Variants in TRIM46 observed in about 807,000 individuals in gnomAD.
TRIM46 encodes tripartite motif-containing protein 46.
TRIM46 carries 17 observed loss-of-function variants against 69.7 expected under a neutral mutation model. That is an observed-to-expected ratio of 0.24 (90% CI 0.17 to 0.37). The LOEUF (loss-of-function observed/expected upper bound fraction) is 0.37, where lower values mean the gene tolerates loss of function less well. TRIM46 is among the 10% of genes least tolerant of loss of function. The pLI, the probability that TRIM46 is intolerant of heterozygous loss-of-function variation, is 1.00. For missense variants in TRIM46, 675 were observed against 1,025.1 expected, an observed-to-expected ratio of 0.66 and a Z score of 4.66; for synonymous variants, 391 against 429.0, an observed-to-expected ratio of 0.91 and a Z score of 1.09.
rs188300790 is a variant in TRIM46 at position 155,176,043 on chromosome 1, C to T, written c.481C>T (p.Arg161Cys). 36 of 1,614,134 alleles carry T rather than the reference C, an allele frequency of 2.2e-5. No homozygotes were observed. Among genetic ancestry groups the T allele is most frequent in the East Asian group, 1.3e-4 (6 of 44,890 alleles). ...CCTGGAGCGTGTGGTGGAGCGGTACCGCCAGAGTGTGAGTGTGGGAGGTGC... is the reference window on the plus strand; with the variant it reads ...CCTGGAGCGTGTGGTGGAGCGGTACTGCCAGAGTGTGAGTGTGGGAGGTGC... Reference protein sequence around the residue: ...LTLERVVERYRQSVSVGGAIL... With the variant: ...LTLERVVERYCQSVSVGGAIL... Residue 161 changes from arginine to cysteine, a missense_variant, in exon 3 of 10, where the codon CGC becomes TGC. Physicochemically the swap from Arg to Cys is radical, Grantham distance 180. This residue lies in a region of TRIM46 where 170 missense variants were observed against 255.6 expected (regional missense o/e 0.67). Transcript: ENST00000334634.
At chr1:155,183,524 G>A (rs1226664040) in intron 9 of TRIM46, among the ~76,000 whole-genome samples, 7 of 151,936 alleles carry the variant, frequency 4.6e-5, no homozygotes, top group Admixed American at 2.0e-4. Flanking sequence ...TTTTCTCAAT[G>A]CCTTTCCGCG....
At position 155,184,346 on chromosome 1, in the gene TRIM46, C is replaced by T; in HGVS notation, c.*156C>T. On this transcript the variant is annotated 3_prime_UTR_variant, in exon 10 of 10. Transcript: ENST00000334634. The surrounding 1 kb of genome is among the most constrained non-coding windows in gnomAD (Gnocchi z 5.6). Reference sequence around the variant, plus strand: ...CGTGTCTGTCTTCCCACAGTTTTCTCTTGACCCAGGGGCTCTCTTCTGCCC... The same window carrying T: ...CGTGTCTGTCTTCCCACAGTTTTCTTTTGACCCAGGGGCTCTCTTCTGCCC... 1.2e-6 allele frequency: 1 copy of T among 860,684 alleles called. No homozygotes were observed. 53.3% of individuals were successfully genotyped at this position (860,684 alleles called of 1,614,324 possible). A position where few individuals can be genotyped will look rare whatever the true frequency, so the allele number is the denominator to read the frequency against.
At chr1:155,174,710 C>T in intron 1 of TRIM46, 2 of 1,424,596 alleles carry the variant, frequency 1.4e-6, no homozygotes, top group South Asian at 1.4e-5. Flanking sequence ...AGGGGACTTC[C>T]GGTGGGGAGG....
rs1481526125 is a variant in TRIM46 at position 155,174,639 on chromosome 1, A to C, written c.63+610A>C. 2.6e-6 allele frequency: 4 copies of C among 1,525,976 alleles called. No homozygotes were observed. The South Asian group carries it at 3.6e-5, about 14-fold the overall frequency. 94.5% of individuals were successfully genotyped at this position (1,525,976 alleles called of 1,614,324 possible). On this transcript the variant is annotated intron_variant, in intron 1 of 9. Coordinates refer to ENST00000334634, the MANE Select transcript of TRIM46 (RefSeq NM_025058.5). ...CGGGATGGCTGCGAAGAGAGGGACC[A>C]AGGTGAGGTGTGGGGGTGGGGCATA...
rs371866969 is a variant in TRIM46 at position 155,181,872 on chromosome 1, A to G, written c.1609A>G (p.Ser537Gly). 3.3e-5 allele frequency: 53 copies of G among 1,611,426 alleles called. No individual in the cohort carries two copies. The African/African-American group carries it at 5.5e-4, about 17-fold the overall frequency. Reference sequence around the variant, plus strand: ...TCCAGTCCTGCACTTCTTCCTCGATAGCCGCTGGGGCGCAAGCCGAGAGCG... The same window carrying G: ...TCCAGTCCTGCACTTCTTCCTCGATGGCCGCTGGGGCGCAAGCCGAGAGCG... ...PAPVLHFFLD[S>G]RWGASRERLA... The change falls in exon 9 of 10, where the codon AGC (serine) becomes GGC (glycine). Residue 537 changes from serine (S) to glycine (G), a missense_variant. Coordinates refer to ENST00000334634, the MANE Select transcript of TRIM46 (RefSeq NM_025058.5). The surrounding 1 kb of genome is among the most constrained non-coding windows in gnomAD (Gnocchi z 4.3).
chr1:155,174,800 G>A, intron 1 of TRIM46: 2 of 1,456,024 alleles, frequency 1.4e-6, no homozygotes, highest in Non-Finnish European at 1.8e-6. Flanking sequence ...TGCGGGAGAG[G>A]GCGGGAGGGC....
intron 8 of TRIM46, chr1:155,180,490 G>A (rs1266335775): frequency 2.1e-5 from 9 of 419,888 alleles, no homozygotes; most frequent in South Asian, 5.5e-5. Flanking sequence ...AGCTACTCGG[G>A]AGGCTGAGGT....
chr1:155,174,309 C>T (rs1487702935), intron 1 of TRIM46, among the ~76,000 whole-genome samples: 1 of 152,026 alleles, frequency 6.6e-6, no homozygotes, highest in Non-Finnish European at 1.5e-5. Context: ...AGCAGTGCAC[C>T]GGGGCTGGGG....
chr1:155,177,304 C>G lies in TRIM46; in HGVS notation c.909+14C>G. The G allele has an allele frequency of 6.2e-7, 1 of 1,610,610 alleles. No homozygotes were observed. Among genetic ancestry groups the G allele is most frequent in the Non-Finnish European group, 8.5e-7 (1 of 1,176,910 alleles). ...AGGCACACCGAGGTGAGGGAGGGCA[C>G]AGAGGTAGGCCCTGGGCCCTGCCTG... is the stretch of plus-strand genomic sequence containing the variant. On this transcript the variant is annotated intron_variant, in intron 5 of 9. Transcript: ENST00000334634.
chr1:155,182,767 C>A lies in TRIM46; in HGVS notation c.1886+618C>A, dbSNP rs146453830. ...CTGAGGCAGGAGAATCACTTGAACC[C>A]GGGAGGTGGAGGTTGCGGTGAGCCA... On this transcript the variant is annotated intron_variant, in intron 9 of 9. Coordinates refer to ENST00000334634, the MANE Select transcript of TRIM46 (RefSeq NM_025058.5). 2.0e-3 allele frequency: 304 copies of A among 149,996 alleles called. 7 individuals carry two copies. In the East Asian group the frequency reaches 0.056, roughly 28 times the overall value. The allele number at this position is 149,996 out of a possible 1,614,324, so 9.3% of individuals were successfully genotyped here.
chr1:155,183,051 C>T (rs1666292480), intron 9 of TRIM46, among the ~76,000 whole-genome samples: 1 of 151,616 alleles, frequency 6.6e-6, no homozygotes, highest in Non-Finnish European at 1.5e-5. Context: ...GCTGGGACTA[C>T]AGGCACCCGC....
At chr1:155,178,739 T>TGGGGGCCCCCCCCCCCCC in intron 7 of TRIM46, 126 bp downstream of exon 7, 2 of 1,348,472 alleles carry the variant, frequency 1.5e-6, no homozygotes, top group South Asian at 1.3e-5. Context: ...CAGCCATTCC[T>TGGGGGCCCCCCCCCCCCC]CCCACCCAGC....
chr1:155,178,792 CCT>C, intron 7 of TRIM46, 179 bp downstream of exon 7: 1 of 1,504,646 alleles, frequency 6.6e-7, no homozygotes, highest in Non-Finnish European at 8.9e-7. Flanking sequence ...GCTGCTTCTC[CCT>C]CTCTTTGTTT....
In TRIM46 at chr1:155,179,692, G is replaced by A; in HGVS notation, c.1346G>A (p.Cys449Tyr). ...TTTGCCTATGATCAGATCTTCCTGT[G>A]CTGGCGGCTGCCCCCCCATTCACCA... ...RTFAYDQIFL[C>Y]WRLPPHSPPA... is the part of the protein sequence containing the mutation. The change falls in exon 8 of 10, where the codon TGC becomes TAC. Residue 449 changes from cysteine to tyrosine, a missense_variant. Physicochemically the swap from Cys to Tyr is radical, Grantham distance 194. Around this residue, in one of 5 missense-constraint regions of TRIM46, gnomAD observed 361 missense variants for 498.3 expected, o/e 0.72. Transcript: ENST00000334634. 6.2e-7 allele frequency: 1 copy of A among 1,613,378 alleles called. No homozygotes were observed. Among genetic ancestry groups the A allele is most frequent in the South Asian group, 1.1e-5 (1 of 91,060 alleles).
At chr1:155,182,235 G>C (rs752682644) in intron 9 of TRIM46, 86 bp downstream of exon 9, 26 of 1,367,100 alleles carry the variant, frequency 1.9e-5, no homozygotes, top group Admixed American at 4.3e-5. Context: ...GCACAGACTT[G>C]CTAGGGTGGG....
intron 7 of TRIM46, 66 bp downstream of exon 7, chr1:155,178,679 C>CG (rs1330546513): frequency 1.3e-6 from 2 of 1,597,754 alleles, no homozygotes; most frequent in Non-Finnish European, 1.7e-6. Context: ...GCAGCGGGCC[C>CG]GGGGGGCAGT....
In TRIM46 at chr1:155,184,334, CCA is replaced by C; in HGVS notation, c.*147_*148del. The C allele has an allele frequency of 3.2e-6, 3 of 924,458 alleles. No homozygotes were observed. The highest frequency in any genetic ancestry group is 4.7e-6 in the Non-Finnish European group (3 of 635,132). The allele number at this position is 924,458 out of a possible 1,614,324, so 57.3% of individuals were successfully genotyped here. On this transcript the variant is annotated 3_prime_UTR_variant, in exon 10 of 10. Coordinates refer to ENST00000334634, the MANE Select transcript of TRIM46 (RefSeq NM_025058.5). The surrounding 1 kb of genome is among the most constrained non-coding windows in gnomAD (Gnocchi z 5.6). ...TGCTCCTTCTCCCGTGTCTGTCTTC[CCA>C]CAGTTTTCTCTTGACCCAGGGGCTC...
rs749951122 is a variant in TRIM46 at position 155,175,682 on chromosome 1, G to A, written c.325+35G>A. The A allele has an allele frequency of 1.6e-5, 26 of 1,611,972 alleles. No homozygotes were observed. Among genetic ancestry groups the A allele is most frequent in the Non-Finnish European group, 2.1e-5 (25 of 1,179,916 alleles). On this transcript the variant is annotated intron_variant, in intron 2 of 9. Transcript: ENST00000334634. The surrounding 1 kb of genome is among the most constrained non-coding windows in gnomAD (Gnocchi z 4.2). ...GGGCCTGTAGGGTGGGGATGGGAAC[G>A]CTGAGCTATTCATCAGGAAGATGGA...
rs1297423252 is a variant in TRIM46 at position 155,184,149 on chromosome 1, G to C, written c.2239G>C (p.Glu747Gln). 8 of 1,613,478 alleles carry C rather than the reference G, an allele frequency of 5.0e-6. No homozygotes were observed. The highest frequency in any genetic ancestry group is 6.8e-6 in the Non-Finnish European group (8 of 1,179,890). ...CCAGGAGCCAGTGGGCACTAAGCCT[G>C]AGAGGAAAGTCACCATTGGGGGCTT... ...QLQEPVGTKP[E>Q]RKVTIGGFAK... The change falls in exon 10 of 10, where the codon GAG becomes CAG. Residue 747 changes from glutamate (E) to glutamine (Q), a missense_variant. Around this residue, in one of 5 missense-constraint regions of TRIM46, gnomAD observed 108 missense variants for 153.0 expected, o/e 0.71. Transcript: ENST00000334634. This position sits in a 1 kb window ranked among gnomAD's most constrained non-coding sequence, Gnocchi z 5.6.
Sources: gnomAD v4.1 joint callset for allele counts (sites outside exome capture counted in the v4.1 genomes callset) on GRCh38, gnomAD v4.1.1 for gene constraint, gnomAD v4.1.1 regional missense constraint, Gnocchi (gnomAD v3.1) non-coding constraint, MANE v1.5 for transcripts, NCBI Gene and HGNC (gene_info 2026-07-23, HGNC 2026-07-21) for gene names.